The following SLC25A21 variants were observed in gnomAD, a reference collection of about 807,000 sequenced individuals.
The protein encoded by SLC25A21 is solute carrier family 25 member 21.
A neutral mutation model predicts 43.8 loss-of-function variants in SLC25A21; 47 were observed. The ratio of observed to expected loss-of-function variants is 1.07; its 90% CI spans 0.85 to 1.37. SLC25A21 has a LOEUF of 1.37. Ranked by LOEUF, SLC25A21 falls within the 40% of genes most tolerant of loss-of-function variation. The probability of loss-of-function intolerance (pLI) is 0.00; values close to 1 mark genes in which losing one functional copy is unlikely to be tolerated. For synonymous variants in SLC25A21, 131 were observed against 121.3 expected (o/e 1.08, Z -0.52); for missense variants, 352 against 350.2 (o/e 1.00, Z -0.04).
At chr14:36,944,100 C>G (rs1892628358) in intron 1 of SLC25A21, among the ~76,000 whole-genome samples, 1 of 152,144 alleles carries the variant, frequency 6.6e-6, no homozygotes, top group African/African-American at 2.4e-5. Flanking sequence ...ATTTACATCA[C>G]AGAGCCATGC....
chr14:37,048,177 T>C (rs2138793628), intron 1 of SLC25A21, among the ~76,000 whole-genome samples: 1 of 152,212 alleles, frequency 6.6e-6, no homozygotes, highest in Admixed American at 6.5e-5. Flanking sequence ...TCCCTCAACA[T>C]ATCTGAAAGG....
chr14:36,952,104 G>A (rs1043710380), intron 1 of SLC25A21, among the ~76,000 whole-genome samples: 8 of 151,924 alleles, frequency 5.3e-5, no homozygotes, highest in Non-Finnish European at 8.8e-5. Flanking sequence ...ATGGTGGTGC[G>A]TGCCTGTAAT....
chr14:36,999,866 C>T (rs1397601558), intron 1 of SLC25A21, among the ~76,000 whole-genome samples: 2 of 152,042 alleles, frequency 1.3e-5, no homozygotes, highest in East Asian at 3.9e-4. Context: ...TATTTATTAT[C>T]CATTGTCTGT....
chr14:36,692,643 C>T (rs1397439574), intron 7 of SLC25A21, among the ~76,000 whole-genome samples: 6 of 152,022 alleles, frequency 3.9e-5, no homozygotes, highest in South Asian at 2.1e-4. Context: ...TTTCACCCAG[C>T]GATATGCCAG....
At chr14:36,890,343 G>A (rs1293258636) in intron 1 of SLC25A21, among the ~76,000 whole-genome samples, 2 of 152,162 alleles carry the variant, frequency 1.3e-5, no homozygotes, top group East Asian at 1.9e-4. Context: ...AAATGAATAT[G>A]AGGAAATGAC....
intron 3 of SLC25A21, among the ~76,000 whole-genome samples, chr14:36,739,036 T>C (rs1314998745): frequency 2.0e-5 from 3 of 152,212 alleles, no homozygotes; most frequent in East Asian, 3.9e-4. Context: ...TCAAGTTCTT[T>C]ATGTCCTTGA....
intron 3 of SLC25A21, among the ~76,000 whole-genome samples, chr14:36,796,488 A>C (rs1296637967): frequency 1.3e-5 from 2 of 151,934 alleles, no homozygotes; most frequent in Non-Finnish European, 1.5e-5. Flanking sequence ...TTAGTTCAAC[A>C]AACTTTTGTT....
intron 2 of SLC25A21, among the ~76,000 whole-genome samples, chr14:36,823,888 C>A (rs2138466062): frequency 6.6e-6 from 1 of 152,298 alleles, no homozygotes; most frequent in South Asian, 2.1e-4. Flanking sequence ...ACCTGTTGAA[C>A]ATTAGCTCAT....
At chr14:36,714,218 G>A (rs1370438292) in intron 6 of SLC25A21, among the ~76,000 whole-genome samples, 6 of 152,226 alleles carry the variant, frequency 3.9e-5, no homozygotes, top group Admixed American at 3.9e-4. Context: ...GTTGAAGGCA[G>A]TGGCAACCAA....
intron 5 of SLC25A21, among the ~76,000 whole-genome samples, chr14:36,729,223 T>G (rs1884721398): frequency 1.3e-5 from 2 of 152,236 alleles, no homozygotes; most frequent in Non-Finnish European, 2.9e-5. Context: ...TGTCTTGGTT[T>G]AAAAGGAGTC....
intron 1 of SLC25A21, among the ~76,000 whole-genome samples, chr14:37,125,111 C>A (rs1963274928): frequency 6.6e-6 from 1 of 152,186 alleles, no homozygotes; most frequent in African/African-American, 2.4e-5. Flanking sequence ...AGTCAGGCCA[C>A]CAAGGCTCTA....
At chr14:36,919,556 A>C (rs1891919694) in intron 1 of SLC25A21, among the ~76,000 whole-genome samples, 1 of 152,040 alleles carries the variant, frequency 6.6e-6, no homozygotes, top group African/African-American at 2.4e-5. Context: ...TCTATAGTAC[A>C]TAAACATAGA....
At chr14:36,733,188 G>GC (rs1884900597) in intron 4 of SLC25A21, among the ~76,000 whole-genome samples, 1 of 152,182 alleles carries the variant, frequency 6.6e-6, no homozygotes, top group Admixed American at 6.5e-5. Flanking sequence ...TCACTGAACA[G>GC]ATGAGTATAT....
intron 1 of SLC25A21, among the ~76,000 whole-genome samples, chr14:37,093,326 T>C (rs913984650): frequency 2.0e-5 from 3 of 152,242 alleles, no homozygotes; most frequent in Non-Finnish European, 2.9e-5. Context: ...AATTTATGAA[T>C]ACTTTTTCTT....
chr14:36,945,388 G>A (rs983280350), intron 1 of SLC25A21, among the ~76,000 whole-genome samples: 1 of 152,142 alleles, frequency 6.6e-6, no homozygotes, highest in African/African-American at 2.4e-5. Context: ...ACTGAAAGCA[G>A]AGACTTGAAG....
At chr14:36,717,463 C>T (rs1594518794) in intron 6 of SLC25A21, among the ~76,000 whole-genome samples, 1 of 152,332 alleles carries the variant, frequency 6.6e-6, no homozygotes, top group East Asian at 1.9e-4. Context: ...AAACCCCTCC[C>T]AGATACCGAA....
intron 1 of SLC25A21, among the ~76,000 whole-genome samples, chr14:37,109,846 C>A (rs1471175340): frequency 6.6e-6 from 1 of 151,858 alleles, no homozygotes; most frequent in Non-Finnish European, 1.5e-5. Context: ...AACCTGAGGT[C>A]TTTATAAAGT....
intron 1 of SLC25A21, among the ~76,000 whole-genome samples, chr14:36,911,568 T>G (rs1299401377): frequency 6.6e-6 from 1 of 152,052 alleles, no homozygotes; most frequent in African/African-American, 2.4e-5. Flanking sequence ...ACACTGGTGT[T>G]TGCCTAGTCC....
intron 1 of SLC25A21, among the ~76,000 whole-genome samples, chr14:36,993,399 T>A (rs1029821651): frequency 6.6e-6 from 1 of 152,180 alleles, no homozygotes; most frequent in African/African-American, 2.4e-5. Flanking sequence ...GAGAAAATAA[T>A]TTTTATAGCA....
Sources: allele counts gnomAD v4.1 joint callset (sites outside exome capture counted in the v4.1 genomes callset), GRCh38; gene constraint gnomAD v4.1.1; transcripts MANE v1.5; gene names NCBI Gene and HGNC (gene_info 2026-07-23, HGNC 2026-07-21).